The following ZNF813 variants were observed in gnomAD, a reference collection of about 807,000 sequenced individuals.
ZNF813 encodes the protein zinc finger protein 813.
A neutral mutation model predicts 7.2 loss-of-function variants in ZNF813; 3 were observed. The observed-to-expected ratio is 0.42, with a 90% confidence interval of 0.19 to 1.08. ZNF813 has a LOEUF of 1.08. ZNF813 is among the 50% of genes least tolerant of loss of function. The probability of loss-of-function intolerance (pLI) is 0.30; values close to 1 mark genes in which losing one functional copy is unlikely to be tolerated. For missense variants in ZNF813, 714 were observed against 753.3 expected (o/e 0.95, Z 0.61); for synonymous variants, 227 against 256.3 (o/e 0.89, Z 1.09).
At chr19:53,484,027 GA>G (rs1372258540) in intron 2 of ZNF813, among the ~76,000 whole-genome samples, 190 bp downstream of exon 2, 1 of 152,018 alleles carries the variant, frequency 6.6e-6, no homozygotes, top group Non-Finnish European at 1.5e-5. Flanking sequence ...ATGAACTTGG[GA>G]AGAGGCTGCA....
chr19:53,483,679 T>A, intron 1 of ZNF813, 71 bp from the exon 2 acceptor site: 1 of 1,443,480 alleles, frequency 6.9e-7, no homozygotes, highest in Non-Finnish European at 9.4e-7. Flanking sequence ...GTCTCCTTTG[T>A]ATGTGTTGTT....
At chr19:53,478,943 T>A (rs2086394449) in intron 1 of ZNF813, among the ~76,000 whole-genome samples, 1 of 134,210 alleles carries the variant, frequency 7.5e-6, no homozygotes, top group Non-Finnish European at 1.6e-5. Context: ...TTTTTGTTTT[T>A]TGTGTTTTTT....
Position 53,494,764 on chromosome 19 carries a change from T to A in ZNF813, c.*2678T>A, listed in dbSNP as rs1328334882. On this transcript the variant is annotated 3_prime_UTR_variant, in exon 4 of 4. Transcript: ENST00000396403. ...GAGACCAGATGCAGTGGCTCAGGCC[T>A]GTAATCCCAGCACTTTCAGAGGCCA... The A allele has an allele frequency of 6.6e-6, 1 of 152,254 alleles. No homozygotes were observed. Among genetic ancestry groups the A allele is most frequent in the Non-Finnish European group, 1.5e-5 (1 of 68,080 alleles). 9.4% of individuals were successfully genotyped at this position (152,254 alleles called of 1,614,324 possible). A position where few individuals can be genotyped will look rare whatever the true frequency, so the allele number is the denominator to read the frequency against.
At chr19:53,469,285 AT>A (rs35480525) in intron 1 of ZNF813, among the ~76,000 whole-genome samples, 18,006 of 152,202 alleles carry the variant, frequency 0.12, 1,364 homozygotes, top group Admixed American at 0.17. Context: ...CCTTTTCTGC[AT>A]CCACAAAGTA....
chr19:53,487,820 A>G (rs1287899290), intron 3 of ZNF813, among the ~76,000 whole-genome samples: 1 of 146,394 alleles, frequency 6.8e-6, no homozygotes, highest in Admixed American at 6.9e-5. Context: ...AAAAAATTCC[A>G]TAACCTGCAA....
chr19:53,482,706 C>CTTTTTTTT (rs1568830690), intron 1 of ZNF813, among the ~76,000 whole-genome samples: 25 of 91,492 alleles, frequency 2.7e-4, no homozygotes, highest in African/African-American at 8.9e-4. Flanking sequence ...ATCAGGAATG[C>CTTTTTTTT]TTTTTGTTTT....
At chr19:53,487,679 G>A (rs1320902591) in intron 3 of ZNF813, among the ~76,000 whole-genome samples, 1 of 151,718 alleles carries the variant, frequency 6.6e-6, no homozygotes, top group East Asian at 1.9e-4. Context: ...GCATCTGTAA[G>A]CCCTGCTACT....
chr19:53,482,214 A>T (rs2086411723), intron 1 of ZNF813, among the ~76,000 whole-genome samples: 1 of 152,212 alleles, frequency 6.6e-6, no homozygotes, highest in African/African-American at 2.4e-5. Flanking sequence ...AAAAATGCAA[A>T]AGAATGGAAG....
Position 53,492,146 on chromosome 19 carries a change from G to A in ZNF813, c.*60G>A. 6.4e-7 allele frequency: 1 copy of A among 1,562,828 alleles called. No individual in the cohort carries two copies. The highest frequency in any genetic ancestry group is 8.7e-7 in the Non-Finnish European group (1 of 1,152,626). Reference sequence around the variant, plus strand: ...CTGGAAAGAAACAAGTGCAATGAGTGTGGCAAGACCTTCTGTCACAATTCA... The same window carrying A: ...CTGGAAAGAAACAAGTGCAATGAGTATGGCAAGACCTTCTGTCACAATTCA... On this transcript the variant is annotated 3_prime_UTR_variant, in exon 4 of 4. Transcript: ENST00000396403.
intron 1 of ZNF813, among the ~76,000 whole-genome samples, chr19:53,474,431 G>T (rs1164681315): frequency 6.6e-6 from 1 of 152,100 alleles, no homozygotes; most frequent in African/African-American, 2.4e-5. Flanking sequence ...GCTCATGCCT[G>T]TAATCCTACC....
rs901955261 is a variant in ZNF813 at position 53,478,127 on chromosome 19, G to GA, written c.-73-5616dup. 2.6e-5 allele frequency among the ~76,000 whole-genome samples: 4 copies of GA among 151,836 alleles called. No homozygotes were observed. In the South Asian group the frequency reaches 6.2e-4, roughly 24 times the overall value. ...GGTAGGAAGTAGGGCAATGAAGTGG[G>GA]AAAAAAATGACTTTCTGTTATTACA... On this transcript the variant is annotated intron_variant, in intron 1 of 3. Coordinates refer to ENST00000396403, the MANE Select transcript of ZNF813 (RefSeq NM_001004301.4).
At chr19:53,469,328 C>G (rs375981226) in intron 1 of ZNF813, among the ~76,000 whole-genome samples, 2 of 152,092 alleles carry the variant, frequency 1.3e-5, no homozygotes, top group Admixed American at 6.5e-5. Flanking sequence ...TTCCCCATAT[C>G]CTGTGACATG....
At chr19:53,472,607 C>CTTTTTTTT (rs200658542) in intron 1 of ZNF813, among the ~76,000 whole-genome samples, 3,456 of 135,912 alleles carry the variant, frequency 0.025, 206 homozygotes, top group East Asian at 0.049. Flanking sequence ...AAGTACAAGT[C>CTTTTTTTT]TTTCTTTTTT....
At position 53,493,554 on chromosome 19, in the gene ZNF813, T is replaced by G. The variant is rs775128591; in HGVS notation, c.*1468T>G. 4 of 152,496 alleles carry G rather than the reference T, an allele frequency of 2.6e-5. No individual in the cohort carries two copies. The highest frequency in any genetic ancestry group is 4.8e-5 in the African/African-American group (2 of 41,450). 9.4% of individuals were successfully genotyped at this position (152,496 alleles called of 1,614,324 possible). ...CCTAAGTATTTCTTACTTTAAGTTC[T>G]CTAGCAAATGGAAGTGTTTTTAAAT... On this transcript the variant is annotated 3_prime_UTR_variant, in exon 4 of 4. Coordinates refer to ENST00000396403, the MANE Select transcript of ZNF813 (RefSeq NM_001004301.4).
intron 3 of ZNF813, 106 bp from the exon 4 acceptor site, chr19:53,490,269 T>C (rs2086452737): frequency 2.3e-6 from 3 of 1,287,856 alleles, no homozygotes; most frequent in South Asian, 1.5e-5. Flanking sequence ...TTGAAGATCA[T>C]GTTGGGGAAG....
chr19:53,471,914 C>T (rs1230643347), intron 1 of ZNF813, among the ~76,000 whole-genome samples: 1 of 151,830 alleles, frequency 6.6e-6, no homozygotes, highest in African/African-American at 2.4e-5. Context: ...GGCCATTGGT[C>T]TCCTATGTTA....
Position 53,491,668 on chromosome 19 carries a change from T to A in ZNF813, c.1436T>A (p.Ile479Asn). ...CNECGKTFSR[I>N]SALVIHTAIH... is the part of the protein sequence containing the mutation. ...GAGTGTGGCAAGACGTTCAGTCGAA[T>A]TTCAGCCCTCGTAATTCATACGGCA... The change falls in exon 4 of 4, where the codon ATT (isoleucine) becomes AAT (asparagine). Residue 479 changes from isoleucine (I) to asparagine (N), a missense_variant. Coordinates refer to ENST00000396403, the MANE Select transcript of ZNF813 (RefSeq NM_001004301.4). 6.2e-7 allele frequency: 1 copy of A among 1,611,316 alleles called. No individual in the cohort carries two copies. Among genetic ancestry groups the A allele is most frequent in the South Asian group, 1.1e-5 (1 of 90,910 alleles).
intron 1 of ZNF813, among the ~76,000 whole-genome samples, chr19:53,473,254 G>A (rs1246860252): frequency 2.6e-5 from 4 of 152,164 alleles, no homozygotes; most frequent in East Asian, 1.9e-4. Flanking sequence ...TCAGCTGTGC[G>A]TAGACTAGTC....
chr19:53,489,125 G>C (rs1173852126), intron 3 of ZNF813, among the ~76,000 whole-genome samples: 1 of 151,892 alleles, frequency 6.6e-6, no homozygotes, highest in East Asian at 2.0e-4. Context: ...TCCTGCCTCA[G>C]CCTTCCCGAG....
Sources: gnomAD v4.1 joint callset for allele counts (sites outside exome capture counted in the v4.1 genomes callset) on GRCh38, gnomAD v4.1.1 for gene constraint, MANE v1.5 for transcripts, NCBI Gene and HGNC (gene_info 2026-07-23, HGNC 2026-07-21) for gene names.